Variants in COX6B1 observed in about 807,000 individuals in gnomAD.
The protein encoded by COX6B1 is COX VIb-1.
COX6B1 carries 2 observed loss-of-function variants against 14.0 expected under a neutral mutation model. The ratio of observed to expected loss-of-function variants is 0.14; its 90% CI spans 0.06 to 0.45. COX6B1 has a LOEUF of 0.45. Ranked by LOEUF, COX6B1 falls within the 20% of genes least tolerant of loss-of-function variation. The pLI is 0.98. For synonymous variants in COX6B1, 30 were observed against 39.7 expected (o/e 0.76, Z 0.92); for missense variants, 81 against 114.2 (o/e 0.71, Z 1.33).
chr19:35,652,078 G>A (rs1170699113), intron 2 of COX6B1, among the ~76,000 whole-genome samples: 2 of 150,520 alleles, frequency 1.3e-5, no homozygotes, highest in Non-Finnish European at 3.0e-5. Flanking sequence ...TGCCCAGGCT[G>A]GAGTGCAATG....
rs758173262 is a variant in COX6B1, at chr19:35,654,639, C to T, written c.175C>T (p.Arg59Cys). The T allele has an allele frequency of 1.9e-6, 3 of 1,614,160 alleles. No individual in the cohort carries two copies. Among genetic ancestry groups the T allele is most frequent in the East Asian group, 2.2e-5 (1 of 44,884 alleles). The change falls in exon 3 of 4, where the codon CGT becomes TGT. Residue 59 changes from arginine (R) to cysteine (C), a missense_variant. Arg to Cys is a radical substitution (Grantham distance 180). Coordinates refer to ENST00000649813, the MANE Select transcript of COX6B1 (RefSeq NM_001863.5). Reference protein sequence around the residue: ...GDISVCEWYQRVYQSLCPTSW... With the variant: ...GDISVCEWYQCVYQSLCPTSW... ...TATCTCTGTGTGCGAATGGTACCAG[C>T]GTGTGTACCAGTCCCTCTGCCCCAC... is the stretch of plus-strand genomic sequence containing the variant.
chr19:35,650,626 T>C (rs888492619), intron 1 of COX6B1, among the ~76,000 whole-genome samples: 2 of 151,620 alleles, frequency 1.3e-5, no homozygotes, highest in Admixed American at 1.3e-4. Context: ...CAGAATTGCT[T>C]GAATCTTGGA....
intron 2 of COX6B1, among the ~76,000 whole-genome samples, chr19:35,653,465 G>A (rs1485049833): frequency 2.0e-5 from 3 of 150,120 alleles, no homozygotes; most frequent in Admixed American, 6.7e-5. Context: ...GTAGAGACAG[G>A]ATTTCACCAT....
chr19:35,652,912 C>T (rs909437832), intron 2 of COX6B1, among the ~76,000 whole-genome samples: 9 of 151,804 alleles, frequency 5.9e-5, no homozygotes, highest in Non-Finnish European at 1.3e-4. Flanking sequence ...GATTCTCCTG[C>T]CTCAGCCTCC....
At chr19:35,657,384 A>AT (rs548400659) in intron 3 of COX6B1, among the ~76,000 whole-genome samples, 93 of 152,182 alleles carry the variant, frequency 6.1e-4, no homozygotes, top group African/African-American at 2.0e-3. Context: ...TAATGCGAGC[A>AT]TTAGGGAGTG....
In COX6B1 at chr19:35,654,997, T is replaced by C. The variant is rs530231302; in HGVS notation, c.207+326T>C. ...TCTGTGCAGTCCTGTCCTTTTTTAT[T>C]AGGAACATTTTTTTTTCTTTTTTTT... is the stretch of plus-strand genomic sequence containing the variant. On this transcript the variant is annotated intron_variant, in intron 3 of 3. Coordinates refer to ENST00000649813, the MANE Select transcript of COX6B1 (RefSeq NM_001863.5). Among the ~76,000 whole-genome samples, 4 of 152,068 alleles carry C rather than the reference T, an allele frequency of 2.6e-5. No individual in the cohort carries two copies. In the East Asian group the frequency reaches 7.7e-4, roughly 29 times the overall value.
chr19:35,655,802 G>A (rs1002993153), intron 3 of COX6B1, among the ~76,000 whole-genome samples: 6 of 140,694 alleles, frequency 4.3e-5, no homozygotes, highest in East Asian at 4.1e-4. Context: ...TCGCCCTCTC[G>A]CTCTCTCTTG....
At chr19:35,654,501 C>T in intron 2 of COX6B1, 70 bp from the exon 3 acceptor site, 1 of 1,325,998 alleles carries the variant, frequency 7.5e-7, no homozygotes, top group Non-Finnish European at 1.1e-6. Flanking sequence ...GATTGAGACC[C>T]TACCTCAAAA....
intron 2 of COX6B1, among the ~76,000 whole-genome samples, chr19:35,652,895 T>C (rs542539077): frequency 2.6e-5 from 4 of 151,978 alleles, no homozygotes; most frequent in South Asian, 2.1e-4. Flanking sequence ...GCCTCCCGGG[T>C]TCAAGTGATT....
chr19:35,658,050 G>A (rs1201588770), intron 3 of COX6B1, among the ~76,000 whole-genome samples: 5 of 151,992 alleles, frequency 3.3e-5, no homozygotes, highest in Middle Eastern at 3.2e-3. Flanking sequence ...CATCGGCCCC[G>A]CAAAGTGCTG....
At chr19:35,650,767 G>C (rs1967815812) in intron 1 of COX6B1, among the ~76,000 whole-genome samples, 1 of 151,898 alleles carries the variant, frequency 6.6e-6, no homozygotes, top group Non-Finnish European at 1.5e-5. Flanking sequence ...TGAGGAGTTT[G>C]TGGCACCAAA....
chr19:35,652,522 CCT>C (rs1967837688), intron 2 of COX6B1, among the ~76,000 whole-genome samples: 1 of 151,940 alleles, frequency 6.6e-6, no homozygotes, highest in Non-Finnish European at 1.5e-5. Context: ...ACCTCTTCTG[CCT>C]GCTGGGTTCA....
chr19:35,658,709 T>A lies in COX6B1; in HGVS notation c.*62T>A. The A allele has an allele frequency of 2.1e-6, 3 of 1,436,688 alleles. No individual in the cohort carries two copies. The highest frequency in any genetic ancestry group is 2.9e-6 in the Non-Finnish European group (3 of 1,018,874). The allele number at this position is 1,436,688 out of a possible 1,614,324, so 89.0% of individuals were successfully genotyped here. ...TCTCCCAGGATGGTGAAGGGGGACC[T>A]GGTACCCAGTGATCCCCACCCCAGG... On this transcript the variant is annotated 3_prime_UTR_variant, in exon 4 of 4. Transcript: ENST00000649813.
At chr19:35,652,384 G>A (rs1967835939) in intron 2 of COX6B1, among the ~76,000 whole-genome samples, 1 of 151,968 alleles carries the variant, frequency 6.6e-6, no homozygotes, top group African/African-American at 2.4e-5. Context: ...CTCCCCAGTA[G>A]AGAAGTGACG....
At chr19:35,657,387 A>G (rs1967898566) in intron 3 of COX6B1, among the ~76,000 whole-genome samples, 1 of 152,056 alleles carries the variant, frequency 6.6e-6, no homozygotes, top group African/African-American at 2.4e-5. Context: ...TGCGAGCATT[A>G]GGGAGTGCTT....
intron 3 of COX6B1, 64 bp from the exon 4 acceptor site, chr19:35,658,530 G>A: frequency 2.1e-6 from 3 of 1,445,014 alleles, no homozygotes; most frequent in East Asian, 2.3e-5. Context: ...GCAAAGTGAG[G>A]AAGATAAGAA....
chr19:35,655,026 CTT>C (rs559837297), intron 3 of COX6B1, among the ~76,000 whole-genome samples: 6 of 118,722 alleles, frequency 5.1e-5, no homozygotes, highest in Admixed American at 8.6e-5. Flanking sequence ...TTTTTTTTTT[CTT>C]TTTTTTTTTT....
At chr19:35,649,470 C>G (rs1246711661) in intron 1 of COX6B1, among the ~76,000 whole-genome samples, 1 of 148,878 alleles carries the variant, frequency 6.7e-6, no homozygotes, top group Non-Finnish European at 1.5e-5. Flanking sequence ...CCACACCTGG[C>G]TAATTTTAAT....
intron 2 of COX6B1, among the ~76,000 whole-genome samples, chr19:35,653,311 T>C (rs1286868186): frequency 4.9e-5 from 7 of 143,880 alleles, no homozygotes; most frequent in African/African-American, 2.6e-5. Context: ...CTCGCTCTGT[T>C]GCCCAGGCTG....
Sources: allele counts gnomAD v4.1 joint callset (sites outside exome capture counted in the v4.1 genomes callset), GRCh38; gene constraint gnomAD v4.1.1; transcripts MANE v1.5; gene names NCBI Gene and HGNC (gene_info 2026-07-23, HGNC 2026-07-21).